Variants in TAFA2 observed in about 807,000 individuals in gnomAD.
TAFA2 encodes TAFA chemokine like family member 2.
TAFA2 carries 7 observed loss-of-function variants against 18.8 expected under a neutral mutation model. That is an observed-to-expected ratio of 0.37 (90% confidence interval 0.21 to 0.70). TAFA2 has a LOEUF of 0.70. Among genes scored for constraint, TAFA2 ranks in the 30% least tolerant of loss-of-function variants. The pLI, the probability that TAFA2 is intolerant of heterozygous loss-of-function variation, is 0.53. For synonymous variants in TAFA2, 60 were observed against 54.2 expected (o/e 1.11, Z -0.47); for missense variants, 122 against 158.1 (o/e 0.77, Z 1.23).
intron 1 of TAFA2, among the ~76,000 whole-genome samples, chr12:62,002,147 T>C (rs998875161): frequency 5.3e-5 from 8 of 152,188 alleles, no homozygotes; most frequent in African/African-American, 1.9e-4. Flanking sequence ...GGTCCTGTAG[T>C]GGCTTATGTT....
intron 1 of TAFA2, chr12:62,234,777 G>T (rs73135207): frequency 0.097 from 102,963 of 1,059,106 alleles, 5,506 homozygotes; most frequent in Middle Eastern, 0.17. Flanking sequence ...CTGTGGAGCA[G>T]GTCTGGGATG....
intron 2 of TAFA2, among the ~76,000 whole-genome samples, chr12:61,779,291 G>A (rs537587738): frequency 1.3e-5 from 2 of 151,904 alleles, no homozygotes; most frequent in South Asian, 4.2e-4. Context: ...TTGCACCTCT[G>A]AAAGCTAAGT....
At chr12:61,897,462 A>AGCAT (rs1280478405) in intron 1 of TAFA2, among the ~76,000 whole-genome samples, 1 of 152,202 alleles carries the variant, frequency 6.6e-6, no homozygotes, top group African/African-American at 2.4e-5. Flanking sequence ...CTCACAGTGC[A>AGCAT]GCATGGCTTG....
chr12:61,719,021 C>T (rs1054120535), intron 4 of TAFA2, among the ~76,000 whole-genome samples: 1 of 152,092 alleles, frequency 6.6e-6, no homozygotes, highest in Non-Finnish European at 1.5e-5. Flanking sequence ...CTCTTAGGGA[C>T]AACCTTTCCT....
At chr12:61,879,765 G>A in intron 1 of TAFA2, 1 of 1,396,622 alleles carries the variant, frequency 7.2e-7, no homozygotes, top group Non-Finnish European at 1.0e-6. Context: ...AACAACCTTA[G>A]GTGGCAGCTG....
intron 2 of TAFA2, among the ~76,000 whole-genome samples, chr12:61,765,094 T>G (rs950132892): frequency 6.6e-6 from 1 of 152,114 alleles, no homozygotes; most frequent in Non-Finnish European, 1.5e-5. Context: ...TAGGCTATTT[T>G]CCAGTCTTCC....
chr12:61,913,091 T>A (rs1876679278), intron 1 of TAFA2, among the ~76,000 whole-genome samples: 1 of 152,280 alleles, frequency 6.6e-6, no homozygotes, highest in Non-Finnish European at 1.5e-5. Flanking sequence ...TCTACAATAA[T>A]TGCCAATGGG....
At chr12:62,009,845 T>G (rs1280369616) in intron 1 of TAFA2, among the ~76,000 whole-genome samples, 1 of 152,206 alleles carries the variant, frequency 6.6e-6, no homozygotes, top group African/African-American at 2.4e-5. Flanking sequence ...TCCAACCATA[T>G]GGAATAAACT....
intron 1 of TAFA2, among the ~76,000 whole-genome samples, chr12:62,130,602 T>C (rs180844578): frequency 3.5e-4 from 53 of 152,124 alleles, no homozygotes; most frequent in Non-Finnish European, 4.4e-5. Context: ...TTCGTTTCAC[T>C]GGACATTTCC....
At position 62,046,093 on chromosome 12, in the gene TAFA2, A is replaced by G. The variant is rs145481121; in HGVS notation, c.-2+145166T>C. On this transcript the variant is annotated intron_variant, in intron 1 of 4. Coordinates refer to ENST00000416284, the MANE Select transcript of TAFA2 (RefSeq NM_178539.5). ...AGGGATACAAAGGTCAAAGTAGCCC[A>G]TGGCCATAATGATGGATTCAGAAAG... Among the ~76,000 whole-genome samples, 412 of 152,296 alleles carry G rather than the reference A, an allele frequency of 2.7e-3. 1 individual carries two copies. Among genetic ancestry groups the G allele is most frequent in the Non-Finnish European group, 4.1e-3 (276 of 67,998 alleles).
chr12:61,727,187 T>C (rs1031113913), intron 4 of TAFA2, among the ~76,000 whole-genome samples: 5 of 151,962 alleles, frequency 3.3e-5, no homozygotes, highest in Non-Finnish European at 5.9e-5. Flanking sequence ...AACTGTAGTT[T>C]TCTTTTTTTA....
At chr12:62,136,607 C>T (rs11174342) in intron 1 of TAFA2, among the ~76,000 whole-genome samples, 35,454 of 152,026 alleles carry the variant, frequency 0.23, 4,209 homozygotes, top group East Asian at 0.32. Context: ...TTTCTGTAAA[C>T]ACTATATACG....
At chr12:61,852,067 C>T (rs1241663200) in intron 2 of TAFA2, among the ~76,000 whole-genome samples, 1 of 151,606 alleles carries the variant, frequency 6.6e-6, no homozygotes, top group African/African-American at 2.4e-5. Context: ...ATTAGCCTGG[C>T]GTTGTGGCAA....
chr12:61,759,050 A>C (rs1275996997), intron 2 of TAFA2, among the ~76,000 whole-genome samples: 1 of 152,000 alleles, frequency 6.6e-6, no homozygotes, highest in African/African-American at 2.4e-5. Context: ...CCTCTGAGAA[A>C]AGAGGCACCA....
chr12:62,160,913 CAA>C (rs1488382464), intron 1 of TAFA2, among the ~76,000 whole-genome samples: 1 of 151,914 alleles, frequency 6.6e-6, no homozygotes, highest in Non-Finnish European at 1.5e-5. Flanking sequence ...TCCAGCCACC[CAA>C]GACTCCAAAG....
chr12:61,916,087 G>A (rs947774500), intron 1 of TAFA2, among the ~76,000 whole-genome samples: 12 of 152,100 alleles, frequency 7.9e-5, no homozygotes, highest in Admixed American at 2.6e-4. Flanking sequence ...TCAGCCTTTC[G>A]TCATAAGAAA....
intron 1 of TAFA2, among the ~76,000 whole-genome samples, chr12:62,035,084 A>G (rs1881562406): frequency 6.6e-6 from 1 of 152,226 alleles, no homozygotes; most frequent in Non-Finnish European, 1.5e-5. Context: ...GTTTACAAAT[A>G]AATGCCTTAT....
chr12:62,069,456 C>T (rs1882571832), intron 1 of TAFA2, among the ~76,000 whole-genome samples: 1 of 152,056 alleles, frequency 6.6e-6, no homozygotes, highest in African/African-American at 2.4e-5. Flanking sequence ...AAGGTACTTC[C>T]TGGATAGATA....
chr12:61,977,936 C>G (rs578002190), intron 1 of TAFA2, among the ~76,000 whole-genome samples: 2 of 152,094 alleles, frequency 1.3e-5, no homozygotes, highest in South Asian at 4.1e-4. Flanking sequence ...GGAAATCGTT[C>G]CACTGATTTC....
Sources: gnomAD v4.1 joint callset for allele counts (sites outside exome capture counted in the v4.1 genomes callset) on GRCh38, gnomAD v4.1.1 for gene constraint, MANE v1.5 for transcripts, NCBI Gene and HGNC (gene_info 2026-07-23, HGNC 2026-07-21) for gene names.